The following TSHZ2 variants were observed in gnomAD, a reference collection of about 807,000 sequenced individuals.
TSHZ2 encodes the protein teashirt homolog 2.
A neutral mutation model predicts 74.4 loss-of-function variants in TSHZ2; 21 were observed. That is an observed-to-expected ratio of 0.28 (90% confidence interval 0.20 to 0.41). TSHZ2 has a LOEUF of 0.41. Ranked by LOEUF, TSHZ2 falls within the 10% of genes least tolerant of loss-of-function variation. TSHZ2 has a pLI of 1.00. For missense variants in TSHZ2, 1,244 were observed against 1,293.5 expected (o/e 0.96, Z 0.59); for synonymous variants, 540 against 515.3 (o/e 1.05, Z -0.65).
At chr20:52,976,652 C>T (rs1981350503) in intron 1 of TSHZ2, among the ~76,000 whole-genome samples, 1 of 152,242 alleles carries the variant, frequency 6.6e-6, no homozygotes, top group African/African-American at 2.4e-5. Context: ...TGATTTTCTA[C>T]AGCCTATCTC....
chr20:52,996,327 A>G (rs1982191287), intron 1 of TSHZ2, among the ~76,000 whole-genome samples: 2 of 144,078 alleles, frequency 1.4e-5, no homozygotes, highest in African/African-American at 5.2e-5. Context: ...TTATTTATTT[A>G]TTTATTTATT....
intron 1 of TSHZ2, among the ~76,000 whole-genome samples, chr20:53,012,668 A>C (rs1464887102): frequency 6.6e-6 from 1 of 152,126 alleles, no homozygotes; most frequent in Non-Finnish European, 1.5e-5. Context: ...AACCACACAC[A>C]CACACACATG....
At chr20:53,341,383 G>T (rs1217480197) in intron 2 of TSHZ2, among the ~76,000 whole-genome samples, 1 of 152,114 alleles carries the variant, frequency 6.6e-6, no homozygotes, top group Non-Finnish European at 1.5e-5. Flanking sequence ...GGGATTTCCT[G>T]GGACATAAAA....
intron 2 of TSHZ2, among the ~76,000 whole-genome samples, chr20:53,483,665 G>A (rs1986218685): frequency 6.6e-6 from 1 of 152,118 alleles, no homozygotes; most frequent in African/African-American, 2.4e-5. Flanking sequence ...AATAAACCTG[G>A]CAAGTACTGA....
At chr20:53,092,964 T>G (rs1212253444) in intron 1 of TSHZ2, among the ~76,000 whole-genome samples, 1 of 152,182 alleles carries the variant, frequency 6.6e-6, no homozygotes, top group Non-Finnish European at 1.5e-5. Flanking sequence ...CCAATAAATC[T>G]TATTTACAAA....
At position 53,491,088 on chromosome 20, in the gene TSHZ2, G is replaced by A. The variant is rs1016010633; in HGVS notation, c.*3953G>A. ...TAAAAAAAAAAAAAAAACCCCAAATGTCATTTTTCACATTATCCTCTCTTC... is the reference window on the plus strand; with the variant it reads ...TAAAAAAAAAAAAAAAACCCCAAATATCATTTTTCACATTATCCTCTCTTC... On this transcript the variant is annotated 3_prime_UTR_variant, in exon 3 of 3. Coordinates refer to ENST00000371497, the MANE Select transcript of TSHZ2 (RefSeq NM_173485.6). The A allele has an allele frequency of 2.7e-5, 4 of 147,322 alleles. No individual in the cohort carries two copies. Among genetic ancestry groups the A allele is most frequent in the Non-Finnish European group, 6.0e-5 (4 of 67,216 alleles). 9.1% of individuals were successfully genotyped at this position (147,322 alleles called of 1,614,324 possible). A position where few individuals can be genotyped will look rare whatever the true frequency, so the allele number is the denominator to read the frequency against.
At chr20:53,314,721 A>C (rs1008960891) in intron 2 of TSHZ2, among the ~76,000 whole-genome samples, 3 of 149,474 alleles carry the variant, frequency 2.0e-5, no homozygotes, top group Non-Finnish European at 4.4e-5. Context: ...TCCCGGGTTC[A>C]AGTTATTCTC....
In TSHZ2 at chr20:53,384,054, C is replaced by T. The variant is rs148238200; in HGVS notation, c.*9-103090C>T. Among the ~76,000 whole-genome samples the T allele has an allele frequency of 9.7e-3, 1,480 of 152,232 alleles. 32 individuals are homozygous for T. Among genetic ancestry groups the T allele is most frequent in the African/African-American group, 0.033 (1,372 of 41,526 alleles). ...TTTCACCTTTTTGCTATTTTCGAAA[C>T]CCGAAGACATCAGAATGGTGCCCAG... On this transcript the variant is annotated intron_variant, in intron 2 of 2. Transcript: ENST00000371497.
At position 53,329,433 on chromosome 20, in the gene TSHZ2, A is replaced by G. The variant is rs6022392; in HGVS notation, c.*8+72862A>G. Among the ~76,000 whole-genome samples the G allele has an allele frequency of 9.2e-3, 1,394 of 152,284 alleles. 19 individuals carry two copies. The highest frequency in any genetic ancestry group is 0.032 in the African/African-American group (1,326 of 41,536). Reference sequence around the variant, plus strand: ...CAGACCCCAGGACTGTATTTCTGTGATCTAGCATCGAAAACCATTTATGGC... The same window carrying G: ...CAGACCCCAGGACTGTATTTCTGTGGTCTAGCATCGAAAACCATTTATGGC... On this transcript the variant is annotated intron_variant, in intron 2 of 2. Coordinates refer to ENST00000371497, the MANE Select transcript of TSHZ2 (RefSeq NM_173485.6).
intron 2 of TSHZ2, among the ~76,000 whole-genome samples, chr20:53,484,382 C>CTTT (rs10610067): frequency 2.0e-5 from 2 of 98,828 alleles, no homozygotes; most frequent in Non-Finnish European, 4.2e-5. Flanking sequence ...TTATCTCTCT[C>CTTT]TTTTTTTTTT....
chr20:53,020,447 G>A lies in TSHZ2; in HGVS notation c.40+47114G>A, dbSNP rs114192087. 4.2e-3 allele frequency among the ~76,000 whole-genome samples: 642 copies of A among 152,150 alleles called. 4 individuals carry two copies. Among genetic ancestry groups the A allele is most frequent in the African/African-American group, 0.015 (604 of 41,488 alleles). ...GAGCCTAACAGCTGTATCCTAACTC[G>A]CATTACAAGCTAGGATCTGGTGTTC... On this transcript the variant is annotated intron_variant, in intron 1 of 2. Transcript: ENST00000371497.
At chr20:53,169,420 A>C (rs1429151735) in intron 1 of TSHZ2, among the ~76,000 whole-genome samples, 1 of 152,206 alleles carries the variant, frequency 6.6e-6, no homozygotes, top group Admixed American at 6.5e-5. Flanking sequence ...ATCTCTTAGG[A>C]AATGCAAATC....
intron 1 of TSHZ2, among the ~76,000 whole-genome samples, chr20:53,161,130 CAAAAAA>C (rs368626161): frequency 9.9e-4 from 67 of 67,968 alleles, no homozygotes; most frequent in African/African-American, 2.7e-3. Context: ...TTATTTTCAG[CAAAAAA>C]AAAAAAAAAA....
chr20:53,393,445 G>T (rs564713644), intron 2 of TSHZ2, among the ~76,000 whole-genome samples: 33 of 152,298 alleles, frequency 2.2e-4, no homozygotes, highest in African/African-American at 7.7e-4. Flanking sequence ...TCACTTCTTT[G>T]TAAAACACAT....
At chr20:53,072,964 T>TCC (rs1985223936) in intron 1 of TSHZ2, among the ~76,000 whole-genome samples, 1 of 151,834 alleles carries the variant, frequency 6.6e-6, no homozygotes. Flanking sequence ...CCTTCATCCA[T>TCC]CTATCCCTCC....
At chr20:52,979,745 A>G (rs1981489638) in intron 1 of TSHZ2, among the ~76,000 whole-genome samples, 1 of 152,222 alleles carries the variant, frequency 6.6e-6, no homozygotes, top group Non-Finnish European at 1.5e-5. Context: ...GGGATGCTAA[A>G]GTCATGCTAA....
intron 1 of TSHZ2, among the ~76,000 whole-genome samples, chr20:53,252,162 C>A (rs1990346675): frequency 6.6e-6 from 1 of 152,200 alleles, no homozygotes. Context: ...GCAGCGGCAG[C>A]CTTTGGAGTT....
intron 1 of TSHZ2, among the ~76,000 whole-genome samples, chr20:53,169,819 A>C (rs1784848136): frequency 6.6e-6 from 1 of 152,246 alleles, no homozygotes; most frequent in Admixed American, 6.5e-5. Context: ...ATGCCCAGGT[A>C]TGTGCCTATA....
At chr20:53,465,291 G>T (rs1409181221) in intron 2 of TSHZ2, among the ~76,000 whole-genome samples, 1 of 152,128 alleles carries the variant, frequency 6.6e-6, no homozygotes, top group Non-Finnish European at 1.5e-5. Context: ...GTGTGTGTGA[G>T]ACAGAGTCTC....
Sources: allele counts gnomAD v4.1 joint callset (sites outside exome capture counted in the v4.1 genomes callset), GRCh38; gene constraint gnomAD v4.1.1; transcripts MANE v1.5; gene names NCBI Gene and HGNC (gene_info 2026-07-23, HGNC 2026-07-21).